MED13L: variants seen among roughly 807,000 people sequenced by gnomAD.
MED13L encodes the protein mediator complex subunit 13L.
MED13L carries 7 observed loss-of-function variants against 220.9 expected under a neutral mutation model. That is an observed-to-expected ratio of 0.03 (90% confidence interval 0.02 to 0.06). The LOEUF (loss-of-function observed/expected upper bound fraction) is 0.06, where lower values mean the gene tolerates loss of function less well. MED13L is among the 10% of genes least tolerant of loss of function. The pLI, the probability that MED13L is intolerant of heterozygous loss-of-function variation, is 1.00. For missense variants in MED13L, 1,965 were observed against 2,760.5 expected (o/e 0.71, Z 6.46); for synonymous variants, 1,011 against 1,015.2 (o/e 1.00, Z 0.08).
chr12:116,230,389 G>A, intron 2 of MED13L: 1 of 745,726 alleles, frequency 1.3e-6, no homozygotes. Flanking sequence ...GACAAAGTGA[G>A]ACTCCGTCTC....
intron 2 of MED13L, among the ~76,000 whole-genome samples, chr12:116,114,972 G>A (rs1874388078): frequency 6.6e-6 from 1 of 152,092 alleles, no homozygotes; most frequent in African/African-American, 2.4e-5. Context: ...AAAAATTCTT[G>A]ATGCCAATTC....
intron 1 of MED13L, among the ~76,000 whole-genome samples, chr12:116,239,810 G>A (rs980537726): frequency 2.6e-5 from 4 of 151,990 alleles, no homozygotes; most frequent in African/African-American, 4.8e-5. Flanking sequence ...TTAAAATATC[G>A]GCCAATTGAA....
intron 4 of MED13L, among the ~76,000 whole-genome samples, chr12:116,082,031 AG>A (rs1358752372): frequency 6.6e-6 from 1 of 152,230 alleles, no homozygotes; most frequent in Non-Finnish European, 1.5e-5. Flanking sequence ...TTCCCTCCAA[AG>A]AAACATTTTA....
In MED13L at chr12:116,188,606, T is replaced by C. The variant is rs117127177; in HGVS notation, c.310+48862A>G. Among the ~76,000 whole-genome samples the C allele has an allele frequency of 1.5e-4, 23 of 152,264 alleles. No individual in the cohort carries two copies. In the East Asian group the frequency reaches 3.9e-3, roughly 26 times the overall value. On this transcript the variant is annotated intron_variant, in intron 2 of 30. Coordinates refer to ENST00000281928, the MANE Select transcript of MED13L (RefSeq NM_015335.5). ...TGTACCCTTAACCCAGTTTTCCCAA[T>C]GCTAACTCTTCCAAAACCGTAGTAC...
At chr12:116,126,380 T>A (rs923125233) in intron 2 of MED13L, among the ~76,000 whole-genome samples, 1 of 152,132 alleles carries the variant, frequency 6.6e-6, no homozygotes, top group East Asian at 1.9e-4. Context: ...CAGTCTGGAG[T>A]AGGGCAGGCC....
chr12:116,073,381 G>T lies in MED13L; in HGVS notation c.479+23288C>A, dbSNP rs143597578. ...CATGCTAGCTCTCTTATGAAAACAA[G>T]AATGAAACTACACTGTTGCCACCAT... On this transcript the variant is annotated intron_variant, in intron 4 of 30. Transcript: ENST00000281928. Among the ~76,000 whole-genome samples, 12 of 152,232 alleles carry T rather than the reference G, an allele frequency of 7.9e-5. No individual in the cohort carries two copies. The East Asian group carries it at 2.1e-3, about 27-fold the overall frequency.
chr12:116,181,583 C>T (rs1880531118), intron 2 of MED13L, among the ~76,000 whole-genome samples: 1 of 152,172 alleles, frequency 6.6e-6, no homozygotes, highest in Admixed American at 6.5e-5. Context: ...TCTCGGCTCA[C>T]CGCAACCTCC....
intron 18 of MED13L, 65 bp from the exon 19 acceptor site, chr12:115,986,554 A>T: frequency 1.4e-6 from 2 of 1,445,300 alleles, no homozygotes; most frequent in Non-Finnish European, 1.9e-6. Context: ...CAATTTTGAA[A>T]TTCCTGGTGC....
chr12:116,079,892 T>G (rs1871106783), intron 4 of MED13L, among the ~76,000 whole-genome samples: 1 of 152,186 alleles, frequency 6.6e-6, no homozygotes, highest in Non-Finnish European at 1.5e-5. Context: ...ACAGGTGTTC[T>G]GAGATCTGAA....
At chr12:116,235,175 T>C (rs770589151) in intron 2 of MED13L, among the ~76,000 whole-genome samples, 80 of 152,304 alleles carry the variant, frequency 5.3e-4, no homozygotes, top group Non-Finnish European at 9.0e-4. Flanking sequence ...TGTTATTAGG[T>C]TGAACCATAC....
intron 4 of MED13L, among the ~76,000 whole-genome samples, chr12:116,052,376 G>A (rs191420653): frequency 3.3e-4 from 50 of 152,264 alleles, no homozygotes; most frequent in Admixed American, 2.6e-3. Flanking sequence ...TGGGTCTCTC[G>A]CTAGGTCAAA....
intron 2 of MED13L, among the ~76,000 whole-genome samples, chr12:116,144,159 G>A (rs996980761): frequency 2.0e-5 from 3 of 152,156 alleles, no homozygotes; most frequent in African/African-American, 7.2e-5. Flanking sequence ...TCACAGCCCT[G>A]AAATACTCAC....
chr12:115,973,468 C>A (rs1024188015), intron 25 of MED13L, among the ~76,000 whole-genome samples: 1 of 152,202 alleles, frequency 6.6e-6, no homozygotes, highest in African/African-American at 2.4e-5. Context: ...CCTCCAGTCA[C>A]ACATTCCTCT....
At chr12:116,132,767 A>G (rs183606304) in intron 2 of MED13L, among the ~76,000 whole-genome samples, 1 of 152,084 alleles carries the variant, frequency 6.6e-6, no homozygotes, top group Non-Finnish European at 1.5e-5. Context: ...TAAAAATACA[A>G]AAATTAGCCG....
At chr12:116,067,729 C>G (rs1870055718) in intron 4 of MED13L, among the ~76,000 whole-genome samples, 1 of 152,108 alleles carries the variant, frequency 6.6e-6, no homozygotes, top group Admixed American at 6.6e-5. Context: ...CTATCTATGC[C>G]AGTCACTACT....
chr12:116,255,486 G>A (rs1871966071), intron 1 of MED13L, among the ~76,000 whole-genome samples: 1 of 152,078 alleles, frequency 6.6e-6, no homozygotes, highest in South Asian at 2.1e-4. Flanking sequence ...AGATGTCTTA[G>A]GACATGAAAA....
intron 2 of MED13L, among the ~76,000 whole-genome samples, chr12:116,229,819 T>C (rs1053731696): frequency 3.9e-5 from 6 of 152,218 alleles, no homozygotes; most frequent in Non-Finnish European, 8.8e-5. Flanking sequence ...AAGTATGCAC[T>C]AGACCCATTC....
At chr12:116,137,213 A>G (rs1193784587) in intron 2 of MED13L, among the ~76,000 whole-genome samples, 3 of 152,124 alleles carry the variant, frequency 2.0e-5, no homozygotes, top group African/African-American at 7.2e-5. Context: ...TCTTGTCACT[A>G]AGATGAATGA....
At chr12:116,216,351 C>T (rs1229416845) in intron 2 of MED13L, among the ~76,000 whole-genome samples, 1 of 152,060 alleles carries the variant, frequency 6.6e-6, no homozygotes, top group East Asian at 1.9e-4. Flanking sequence ...ATAAGACTTG[C>T]TTAATCCTGG....
Sources: allele counts gnomAD v4.1 joint callset (sites outside exome capture counted in the v4.1 genomes callset), GRCh38; gene constraint gnomAD v4.1.1; transcripts MANE v1.5; gene names NCBI Gene and HGNC (gene_info 2026-07-23, HGNC 2026-07-21).